MEGF9: variants seen among roughly 807,000 people sequenced by gnomAD.
The protein encoded by MEGF9 is multiple EGF like domains 9.
In MEGF9, 6 loss-of-function variants were observed where a neutral mutation model predicts 46.8. The observed-to-expected ratio is 0.13, with a 90% CI of 0.07 to 0.25. The LOEUF is 0.25. Ranked by LOEUF, MEGF9 falls within the 10% of genes least tolerant of loss-of-function variation. The probability of loss-of-function intolerance (pLI) is 1.00; values close to 1 mark genes in which losing one functional copy is unlikely to be tolerated. For missense variants in MEGF9, 683 were observed against 792.4 expected, an observed-to-expected ratio of 0.86 and a Z score of 1.66; for synonymous variants, 302 against 330.7, an observed-to-expected ratio of 0.91 and a Z score of 0.94.
intron 1 of MEGF9, among the ~76,000 whole-genome samples, chr9:120,688,828 T>C (rs1283892534): frequency 6.6e-6 from 1 of 152,202 alleles, no homozygotes; most frequent in African/African-American, 2.4e-5. Context: ...TTCAAAGCAA[T>C]GTTCTGTTGA....
chr9:120,699,841 T>C (rs902465316), intron 1 of MEGF9, among the ~76,000 whole-genome samples: 1 of 152,128 alleles, frequency 6.6e-6, no homozygotes, highest in Non-Finnish European at 1.5e-5. Flanking sequence ...AAAGATTATT[T>C]TGTTTTCTCA....
intron 1 of MEGF9, among the ~76,000 whole-genome samples, chr9:120,699,257 A>T (rs1407935801): frequency 6.6e-6 from 1 of 152,222 alleles, no homozygotes; most frequent in East Asian, 1.9e-4. Context: ...TTTCATAACA[A>T]GCAAGTGATC....
At position 120,601,616 on chromosome 9, in the gene MEGF9, T is replaced by TC; in HGVS notation, c.*3573dup. On this transcript the variant is annotated 3_prime_UTR_variant, in exon 6 of 6. Transcript: ENST00000373930. ...AACCTCTCTCCTCTCATCCCATGTT[T>TC]CCTCTGTTCTCTACTCTTAAAATCT... 6.6e-6 allele frequency: 1 copy of TC among 152,220 alleles called. No individual in the cohort carries two copies. The highest frequency in any genetic ancestry group is 1.5e-5 in the Non-Finnish European group (1 of 68,040). The allele number at this position is 152,220 out of a possible 1,614,324, so 9.4% of individuals were successfully genotyped here. A position where few individuals can be genotyped will look rare whatever the true frequency, so the allele number is the denominator to read the frequency against.
At chr9:120,702,358 T>C (rs1002744735) in intron 1 of MEGF9, among the ~76,000 whole-genome samples, 3 of 152,310 alleles carry the variant, frequency 2.0e-5, no homozygotes, top group Non-Finnish European at 4.4e-5. Flanking sequence ...CTTATATAAG[T>C]AAAGACTTAC....
At chr9:120,684,097 A>T (rs1455186231) in intron 1 of MEGF9, among the ~76,000 whole-genome samples, 1 of 152,166 alleles carries the variant, frequency 6.6e-6, no homozygotes, top group African/African-American at 2.4e-5. Context: ...CATCTTTAAG[A>T]GCAGTGTGAA....
chr9:120,605,586 C>A lies in MEGF9; in HGVS notation c.1413G>T (p.Leu471Phe). 1 of 1,602,446 alleles carries A rather than the reference C, an allele frequency of 6.2e-7. No individual in the cohort carries two copies. Residue 471 changes from leucine to phenylalanine, a missense_variant, in exon 6 of 6, where the codon TTG (leucine) becomes TTT (phenylalanine). Physicochemically the swap from Leu to Phe is conservative, Grantham distance 22. Transcript: ENST00000373930. The surrounding 1 kb of genome is among the most constrained non-coding windows in gnomAD (Gnocchi z 4.0). ...TAACAGGGGTGGGCACTGATGTGGTCAAAGAGGCATTGGAAACCAAAATGG... is the reference window on the plus strand; with the variant it reads ...TAACAGGGGTGGGCACTGATGTGGTAAAAGAGGCATTGGAAACCAAAATGG... ...GSTILVSNAS[L>F]TTSVPTPVIN...
At chr9:120,671,945 G>C (rs1022479589) in intron 1 of MEGF9, among the ~76,000 whole-genome samples, 1 of 152,138 alleles carries the variant, frequency 6.6e-6, no homozygotes, top group Non-Finnish European at 1.5e-5. Flanking sequence ...AGAAATACTG[G>C]TTTGACACTT....
intron 3 of MEGF9, among the ~76,000 whole-genome samples, chr9:120,620,184 A>G (rs768166845): frequency 2.0e-5 from 3 of 152,248 alleles, no homozygotes; most frequent in African/African-American, 4.8e-5. Context: ...ATGACAGTAA[A>G]GACAGTGGCC....
chr9:120,623,702 T>C lies in MEGF9; in HGVS notation c.804-947A>G, dbSNP rs12004525. On this transcript the variant is annotated intron_variant, in intron 2 of 5. Transcript: ENST00000373930. ...AAGAATATCCCAAGGTACTTAAAGA[T>C]CTAGCAAAGAAAACCTGTATTCATA... 6.6e-3 allele frequency among the ~76,000 whole-genome samples: 1,004 copies of C among 152,202 alleles called. 10 individuals carry two copies. The highest frequency in any genetic ancestry group is 0.023 in the African/African-American group (951 of 41,532).
intron 1 of MEGF9, among the ~76,000 whole-genome samples, chr9:120,712,929 A>T (rs1378201940): frequency 6.6e-6 from 1 of 152,246 alleles, no homozygotes; most frequent in Non-Finnish European, 1.5e-5. Context: ...GACTTCAGCA[A>T]GAAAAGCCTT....
At chr9:120,662,240 A>G (rs1587988086) in intron 1 of MEGF9, among the ~76,000 whole-genome samples, 1 of 152,214 alleles carries the variant, frequency 6.6e-6, no homozygotes, top group East Asian at 1.9e-4. Flanking sequence ...TTCTATAGTC[A>G]GTCTAATATC....
At chr9:120,631,481 G>T (rs1010451246) in intron 2 of MEGF9, among the ~76,000 whole-genome samples, 2 of 123,008 alleles carry the variant, frequency 1.6e-5, no homozygotes, top group African/African-American at 5.7e-5. Context: ...ATATGAATTT[G>T]ATTGCATTTT....
chr9:120,672,971 C>T (rs1378674540), intron 1 of MEGF9, among the ~76,000 whole-genome samples: 3 of 151,932 alleles, frequency 2.0e-5, no homozygotes, highest in Admixed American at 6.6e-5. Context: ...TGCGGTGAAC[C>T]GAGATTGCGC....
chr9:120,684,320 C>T (rs1450991324), intron 1 of MEGF9, among the ~76,000 whole-genome samples: 1 of 152,172 alleles, frequency 6.6e-6, no homozygotes, highest in Non-Finnish European at 1.5e-5. Flanking sequence ...GAAAATATAC[C>T]TGTCTGCAGT....
At chr9:120,690,951 G>T (rs1029047677) in intron 1 of MEGF9, among the ~76,000 whole-genome samples, 5 of 152,152 alleles carry the variant, frequency 3.3e-5, no homozygotes, top group Non-Finnish European at 5.9e-5. Flanking sequence ...CAATAAATAT[G>T]TATGGAATGA....
chr9:120,654,444 A>T (rs1164837352), intron 2 of MEGF9, among the ~76,000 whole-genome samples: 1 of 152,182 alleles, frequency 6.6e-6, no homozygotes, highest in Admixed American at 6.5e-5. Context: ...AAAAATTCCG[A>T]TCACCTAGTG....
In MEGF9 at chr9:120,688,130, AACACACACAC is replaced by A. The variant is rs34218836; in HGVS notation, c.601+25618_601+25627del. On this transcript the variant is annotated intron_variant, in intron 1 of 5. Transcript: ENST00000373930. ...TCTGAATGCATCATCTCCTCTCCGC[AACACACACAC>A]ACACACACACACACACACACACACA... Among the ~76,000 whole-genome samples, 379 of 142,616 alleles carry A rather than the reference AACACACACAC, an allele frequency of 2.7e-3. 6 individuals are homozygous for A. In the East Asian group the frequency reaches 0.053, roughly 20 times the overall value. The allele number at this position is 142,616 out of a possible 152,430, so 93.6% of individuals were successfully genotyped here.
intron 1 of MEGF9, among the ~76,000 whole-genome samples, chr9:120,669,027 C>A (rs1054449667): frequency 2.0e-4 from 30 of 152,188 alleles, no homozygotes; most frequent in African/African-American, 7.2e-4. Context: ...TCTCCATGTA[C>A]AAAATGTGGC....
intron 1 of MEGF9, among the ~76,000 whole-genome samples, chr9:120,712,346 G>T (rs1158708375): frequency 6.6e-6 from 1 of 152,154 alleles, no homozygotes; most frequent in East Asian, 1.9e-4. Flanking sequence ...CACAATCAAA[G>T]AAACTGAGTC....
Sources: gnomAD v4.1 joint callset for allele counts (sites outside exome capture counted in the v4.1 genomes callset) on GRCh38, gnomAD v4.1.1 for gene constraint, Gnocchi (gnomAD v3.1) non-coding constraint, MANE v1.5 for transcripts, NCBI Gene and HGNC (gene_info 2026-07-23, HGNC 2026-07-21) for gene names.